Variants in KIF26B observed in about 807,000 individuals in gnomAD.
KIF26B encodes kinesin family member 26B.
Under a neutral mutation model 151.2 loss-of-function variants are expected in KIF26B, and 63 were observed. The observed-to-expected ratio is 0.42, with a 90% CI of 0.34 to 0.51. The LOEUF (loss-of-function observed/expected upper bound fraction) is 0.51. KIF26B is among the 20% of genes least tolerant of loss of function. The pLI, the probability that KIF26B is intolerant of heterozygous loss-of-function variation, is 0.07. For synonymous variants in KIF26B, 1,357 were observed against 1,262.1 expected (o/e 1.08, Z -1.59); for missense variants, 2,813 against 2,913.6 (o/e 0.97, Z 0.79).
At chr1:245,269,545 A>G (rs148058689) in intron 2 of KIF26B, among the ~76,000 whole-genome samples, 4,232 of 151,480 alleles carry the variant, frequency 0.028, 96 homozygotes, top group South Asian at 0.055. Context: ...GCTCACTACA[A>G]CCTCCACCTC....
chr1:245,491,303 A>G (rs1660404864), intron 4 of KIF26B, among the ~76,000 whole-genome samples: 1 of 152,222 alleles, frequency 6.6e-6, no homozygotes, highest in Admixed American at 6.5e-5. Context: ...TCAAAAGAAG[A>G]TAACTTTATA....
rs370850353 is a variant in KIF26B at position 245,702,547 on chromosome 1, T to C, written c.6268T>C (p.Phe2090Leu). Residue 2090 changes from phenylalanine (F) to leucine (L), a missense_variant, in exon 15 of 15, where the codon TTC becomes CTC. By Grantham distance (22) the Phe-to-Leu change is conservative. Transcript: ENST00000407071. The surrounding 1 kb of genome is among the most constrained non-coding windows in gnomAD (Gnocchi z 4.1). Reference protein sequence around the residue: ...VTERLESRVNFCKAHLMMITC... With the variant: ...VTERLESRVNLCKAHLMMITC... The stretch of plus-strand genomic sequence containing the variant: ...GGAGCGCCTGGAGAGCCGTGTCAAC[T>C]TCTGCAAGGCCCATCTCATGATGAT... The C allele has an allele frequency of 5.5e-5, 89 of 1,613,962 alleles. No homozygotes were observed. The highest frequency in any genetic ancestry group is 6.9e-5 in the Non-Finnish European group (82 of 1,179,876).
At chr1:245,385,443 C>T (rs1395211437) in intron 3 of KIF26B, among the ~76,000 whole-genome samples, 5 of 152,268 alleles carry the variant, frequency 3.3e-5, no homozygotes, top group East Asian at 1.9e-4. Context: ...GCATGGATGC[C>T]GTAAACACAT....
intron 5 of KIF26B, 100 bp downstream of exon 5, chr1:245,541,050 C>T (rs1310360364): frequency 7.1e-6 from 7 of 991,692 alleles, no homozygotes; most frequent in Middle Eastern, 3.2e-4. Flanking sequence ...TAAAATAAGA[C>T]GTTGCCAGGG....
intron 5 of KIF26B, among the ~76,000 whole-genome samples, chr1:245,561,662 C>T (rs1387867030): frequency 2.6e-5 from 4 of 152,204 alleles, no homozygotes; most frequent in African/African-American, 7.2e-5. Flanking sequence ...TTCATTTGTA[C>T]ATAACTCATT....
At position 245,702,676 on chromosome 1, in the gene KIF26B, C is replaced by T. The variant is rs2044788677; in HGVS notation, c.*70C>T. ...TCAGAGATGTTGCACGCCCCTAGGC[C>T]CTCTGTGCTGGGGCATCAAAGACAA... On this transcript the variant is annotated 3_prime_UTR_variant, in exon 15 of 15. Transcript: ENST00000407071. This position sits in a 1 kb window ranked among gnomAD's most constrained non-coding sequence, Gnocchi z 4.1. 1 of 1,513,080 alleles carries T rather than the reference C, an allele frequency of 6.6e-7. No homozygotes were observed. Among genetic ancestry groups the T allele is most frequent in the Non-Finnish European group, 9.0e-7 (1 of 1,112,972 alleles). 93.7% of individuals were successfully genotyped at this position (1,513,080 alleles called of 1,614,324 possible).
intron 2 of KIF26B, among the ~76,000 whole-genome samples, chr1:245,363,188 A>G (rs1250368584): frequency 6.6e-6 from 1 of 152,064 alleles, no homozygotes; most frequent in Admixed American, 6.5e-5. Context: ...GGCTCTGAAG[A>G]CTTCTTTTCT....
chr1:245,699,347 G>A (rs2044738093), intron 14 of KIF26B, among the ~76,000 whole-genome samples: 1 of 152,142 alleles, frequency 6.6e-6, no homozygotes, highest in African/African-American at 2.4e-5. Flanking sequence ...CATGAAGGCT[G>A]TATTACAAAT....
intron 10 of KIF26B, among the ~76,000 whole-genome samples, chr1:245,681,451 C>T (rs888562544): frequency 3.9e-5 from 6 of 152,110 alleles, no homozygotes; most frequent in Non-Finnish European, 7.4e-5. Flanking sequence ...CCTCATGATC[C>T]ACCCACCTCG....
chr1:245,197,965 T>C (rs747783726), intron 2 of KIF26B, among the ~76,000 whole-genome samples: 1 of 152,156 alleles, frequency 6.6e-6, no homozygotes, highest in Non-Finnish European at 1.5e-5. Context: ...CAGCCTCAGC[T>C]CTCTCTTAAG....
Position 245,631,329 on chromosome 1 carries a change from A to G in KIF26B, c.2099-14792A>G, listed in dbSNP as rs144718668. Among the ~76,000 whole-genome samples the G allele has an allele frequency of 3.9e-5, 6 of 152,274 alleles. No individual in the cohort carries two copies. In the East Asian group the frequency reaches 1.2e-3, roughly 29 times the overall value. On this transcript the variant is annotated intron_variant, in intron 9 of 14. Coordinates refer to ENST00000407071, the MANE Select transcript of KIF26B (RefSeq NM_018012.4). ...TATGCCTAACTTATTGAGAGTTTTT[A>G]TCATGAAGGATGTTAGATTTTATCA...
At chr1:245,449,378 C>CT (rs1008713695) in intron 4 of KIF26B, among the ~76,000 whole-genome samples, 76 of 147,796 alleles carry the variant, frequency 5.1e-4, no homozygotes, top group African/African-American at 1.1e-3. Context: ...TTCCCAGTAA[C>CT]TTTTTTTTTT....
At chr1:245,481,841 G>A (rs1660174082) in intron 4 of KIF26B, among the ~76,000 whole-genome samples, 1 of 151,714 alleles carries the variant, frequency 6.6e-6, no homozygotes, top group East Asian at 1.9e-4. Flanking sequence ...AATGTCCCCT[G>A]GCACTTTGAA....
At chr1:245,612,054 TTGTGTGTGTGTGTGTGTGTGTG>T (rs5782359) in intron 9 of KIF26B, 78 bp downstream of exon 9, 398 of 677,616 alleles carry the variant, frequency 5.9e-4, no homozygotes, top group South Asian at 1.1e-3. Flanking sequence ...ACCATGACCT[TTGTGTGTGTGTGTGTGTGTGTG>T]TGTGTGTGTG....
chr1:245,226,608 C>T (rs1404016874), intron 2 of KIF26B, among the ~76,000 whole-genome samples: 1 of 152,052 alleles, frequency 6.6e-6, no homozygotes, highest in African/African-American at 2.4e-5. Context: ...GGATTACAGG[C>T]ATGCACCACC....
At chr1:245,463,118 G>A (rs1264696637) in intron 4 of KIF26B, among the ~76,000 whole-genome samples, 7 of 152,140 alleles carry the variant, frequency 4.6e-5, no homozygotes, top group African/African-American at 1.2e-4. Flanking sequence ...TTCTTCGACC[G>A]GCCTGGTAGG....
chr1:245,224,285 C>A (rs370417094), intron 2 of KIF26B, among the ~76,000 whole-genome samples: 29 of 99,662 alleles, frequency 2.9e-4, no homozygotes, highest in Admixed American at 8.1e-4. Flanking sequence ...AACTCCGTCT[C>A]AAAGAAAAAA....
intron 2 of KIF26B, among the ~76,000 whole-genome samples, chr1:245,263,830 G>A (rs377586575): frequency 3.3e-5 from 5 of 152,348 alleles, no homozygotes; most frequent in African/African-American, 1.2e-4. Flanking sequence ...ACAGACGTCA[G>A]AATGTGAAAT....
chr1:245,251,332 G>T (rs1670441051), intron 2 of KIF26B, among the ~76,000 whole-genome samples: 1 of 152,164 alleles, frequency 6.6e-6, no homozygotes, highest in African/African-American at 2.4e-5. Flanking sequence ...AGTCAACCTT[G>T]CAGGCAGGTC....
Sources: gnomAD v4.1 joint callset for allele counts (sites outside exome capture counted in the v4.1 genomes callset) on GRCh38, gnomAD v4.1.1 for gene constraint, Gnocchi (gnomAD v3.1) non-coding constraint, MANE v1.5 for transcripts, NCBI Gene and HGNC (gene_info 2026-07-23, HGNC 2026-07-21) for gene names.